Variants in KHDRBS3 observed in about 807,000 individuals in gnomAD.
KHDRBS3 encodes KH domain-containing, RNA-binding, signal transduction-associated protein 3.
KHDRBS3 carries 23 observed loss-of-function variants against 45.6 expected under a neutral mutation model. The observed-to-expected ratio is 0.50, with a 90% CI of 0.36 to 0.72. The LOEUF (loss-of-function observed/expected upper bound fraction) is 0.72, where lower values mean the gene tolerates loss of function less well. Among genes scored for constraint, KHDRBS3 ranks in the 30% least tolerant of loss-of-function variants. The pLI is 0.00. For synonymous variants in KHDRBS3, 162 were observed against 156.5 expected (o/e 1.04, Z -0.26); for missense variants, 352 against 424.8 (o/e 0.83, Z 1.51).
chr8:135,553,619 A>G (rs755280565), intron 4 of KHDRBS3, among the ~76,000 whole-genome samples: 4 of 152,194 alleles, frequency 2.6e-5, no homozygotes, highest in Non-Finnish European at 4.4e-5. Context: ...GGACATAACT[A>G]TTGGCCTATT....
At chr8:135,607,117 C>A in intron 7 of KHDRBS3, 80 bp downstream of exon 7, 1 of 1,126,608 alleles carries the variant, frequency 8.9e-7, no homozygotes, top group South Asian at 1.4e-5. Context: ...AAAAGTATGG[C>A]AGTCAGCTAG....
chr8:135,466,085 G>A (rs532249535), intron 1 of KHDRBS3, among the ~76,000 whole-genome samples: 3 of 151,930 alleles, frequency 2.0e-5, no homozygotes, highest in Admixed American at 6.6e-5. Flanking sequence ...TCTTTCTTTC[G>A]CATTGGTAGC....
At chr8:135,482,985 C>G (rs962587079) in intron 1 of KHDRBS3, among the ~76,000 whole-genome samples, 2 of 152,082 alleles carry the variant, frequency 1.3e-5, no homozygotes, top group African/African-American at 4.8e-5. Context: ...GAACGATGTA[C>G]GTAAAATAAC....
intron 1 of KHDRBS3, among the ~76,000 whole-genome samples, chr8:135,517,702 T>C (rs992125941): frequency 1.3e-5 from 2 of 152,246 alleles, no homozygotes; most frequent in Non-Finnish European, 2.9e-5. Flanking sequence ...ATTCATGATT[T>C]AAACCAGGTC....
chr8:135,458,429 G>T (rs79982468), intron 1 of KHDRBS3: 13,016 of 224,056 alleles, frequency 0.058, 602 homozygotes, highest in African/African-American at 0.15. Context: ...TGCTTGCATT[G>T]TTAGCGAAGT....
intron 2 of KHDRBS3, among the ~76,000 whole-genome samples, chr8:135,533,986 A>G (rs975397129): frequency 2.6e-5 from 4 of 152,240 alleles, no homozygotes; most frequent in African/African-American, 9.6e-5. Flanking sequence ...TACTGGAAAT[A>G]AAGTTTCCTA....
intron 5 of KHDRBS3, among the ~76,000 whole-genome samples, chr8:135,574,914 G>A (rs987023008): frequency 6.6e-6 from 1 of 152,166 alleles, no homozygotes; most frequent in Non-Finnish European, 1.5e-5. Context: ...TAACACAAAA[G>A]TGGGCTCTAT....
chr8:135,558,982 C>T (rs1827032199), intron 5 of KHDRBS3, among the ~76,000 whole-genome samples: 1 of 152,118 alleles, frequency 6.6e-6, no homozygotes, highest in South Asian at 2.1e-4. Flanking sequence ...TCACTTTAAC[C>T]TCTCCGTCCT....
chr8:135,591,353 A>G (rs1251826308), intron 6 of KHDRBS3, among the ~76,000 whole-genome samples: 2 of 152,248 alleles, frequency 1.3e-5, no homozygotes, highest in East Asian at 1.9e-4. Context: ...TCCTTCTGCA[A>G]CTACTGCAGG....
intron 1 of KHDRBS3, among the ~76,000 whole-genome samples, chr8:135,514,141 G>A (rs1475037210): frequency 6.6e-6 from 1 of 152,188 alleles, no homozygotes; most frequent in Non-Finnish European, 1.5e-5. Flanking sequence ...TGACTTGGCT[G>A]TAGGAGAATA....
intron 1 of KHDRBS3, among the ~76,000 whole-genome samples, chr8:135,496,776 C>T (rs1823471225): frequency 6.6e-6 from 1 of 152,218 alleles, no homozygotes; most frequent in Non-Finnish European, 1.5e-5. Context: ...ATGGCTCATC[C>T]CATGGCTGCT....
At chr8:135,601,518 A>G (rs985267862) in intron 6 of KHDRBS3, among the ~76,000 whole-genome samples, 3 of 152,234 alleles carry the variant, frequency 2.0e-5, no homozygotes, top group Non-Finnish European at 4.4e-5. Context: ...AGAAATAGTC[A>G]TTGCATGGGA....
intron 2 of KHDRBS3, among the ~76,000 whole-genome samples, chr8:135,537,461 G>T (rs751910362): frequency 1.3e-5 from 2 of 152,160 alleles, no homozygotes; most frequent in Admixed American, 6.5e-5. Context: ...TCAGAAAGGC[G>T]CTTGGTCTTT....
intron 1 of KHDRBS3, among the ~76,000 whole-genome samples, chr8:135,510,733 A>G (rs111246047): frequency 0.038 from 5,792 of 152,150 alleles, 359 homozygotes; most frequent in African/African-American, 0.13. Flanking sequence ...GCACCCGGCC[A>G]GTTGATGGTT....
At chr8:135,633,735 TC>T (rs1481443312) in intron 7 of KHDRBS3, among the ~76,000 whole-genome samples, 1 of 152,192 alleles carries the variant, frequency 6.6e-6, no homozygotes, top group Admixed American at 6.5e-5. Context: ...TTTGCCACAG[TC>T]CTAGATTCAC....
chr8:135,542,556 CAAT>C (rs1372693581), intron 2 of KHDRBS3, 95 bp from the exon 3 acceptor site: 25 of 725,844 alleles, frequency 3.4e-5, no homozygotes, highest in South Asian at 2.9e-4. Context: ...TGCCATTAAT[CAAT>C]GATGTGTAGC....
At chr8:135,568,383 G>C (rs965023242) in intron 5 of KHDRBS3, among the ~76,000 whole-genome samples, 1 of 151,982 alleles carries the variant, frequency 6.6e-6, no homozygotes, top group Non-Finnish European at 1.5e-5. Flanking sequence ...GCTTATTCAT[G>C]TACCCTCCTT....
At chr8:135,646,702 T>A (rs1377173623) in intron 8 of KHDRBS3, among the ~76,000 whole-genome samples, 1 of 152,210 alleles carries the variant, frequency 6.6e-6, no homozygotes, top group Admixed American at 6.5e-5. Context: ...TTGTAAACTG[T>A]TGTTAAATGA....
chr8:135,513,977 T>A (rs1220871771), intron 1 of KHDRBS3, among the ~76,000 whole-genome samples: 1 of 152,208 alleles, frequency 6.6e-6, no homozygotes, highest in Admixed American at 6.5e-5. Context: ...ATATTTTCAT[T>A]TGGATTTGGA....
Sources: allele counts gnomAD v4.1 joint callset (sites outside exome capture counted in the v4.1 genomes callset), GRCh38; gene constraint gnomAD v4.1.1; transcripts MANE v1.5; gene names NCBI Gene and HGNC (gene_info 2026-07-23, HGNC 2026-07-21).